Variants in KMT2B observed in about 807,000 individuals in gnomAD.
KMT2B encodes lysine methyltransferase 2B, also known as histone-lysine N-methyltransferase 2B.
Under a neutral mutation model 255.3 loss-of-function variants are expected in KMT2B, and 22 were observed. The observed-to-expected ratio is 0.09, with a 90% CI of 0.06 to 0.12. The LOEUF (loss-of-function observed/expected upper bound fraction) is 0.12. KMT2B is among the 10% of genes least tolerant of loss of function. The pLI, the probability that KMT2B is intolerant of heterozygous loss-of-function variation, is 1.00. For missense variants in KMT2B, 3,149 were observed against 3,737.0 expected (o/e 0.84, Z 4.10); for synonymous variants, 1,730 against 1,498.1 (o/e 1.15, Z -3.57).
intron 2 of KMT2B, 39 bp from the exon 3 acceptor site, chr19:35,719,745 C>A: frequency 6.5e-7 from 1 of 1,548,430 alleles, no homozygotes; most frequent in Admixed American, 2.0e-5. Flanking sequence ...GTGTGTAGGG[C>A]TGGCTTGATC....
rs1387325839 is a variant in KMT2B, at chr19:35,723,915, A to G, written c.3242A>G (p.Lys1081Arg). ...LQRKSARRCV[K>R]QRPSYDIFED... ...CGCAAGTCAGCTCGGCGCTGCGTCA[A>G]ACAGCGACCCTCCTATGATATCTTC... Residue 1081 changes from lysine to arginine, a missense_variant, in exon 8 of 37, where the codon AAA becomes AGA. Lys to Arg is a conservative substitution (Grantham distance 26). Around this residue, in one of 18 missense-constraint regions of KMT2B, gnomAD observed 136 missense variants for 137.3 expected, o/e 0.99. Transcript: ENST00000420124. The surrounding 1 kb of genome is among the most constrained non-coding windows in gnomAD (Gnocchi z 7.5). 4.3e-6 allele frequency: 7 copies of G among 1,612,120 alleles called. No homozygotes were observed. Among genetic ancestry groups the G allele is most frequent in the East Asian group, 2.2e-5 (1 of 44,884 alleles).
At chr19:35,735,349 C>T (rs1969875513) in intron 30 of KMT2B, 1 of 152,242 alleles carries the variant, frequency 6.6e-6, no homozygotes, top group Admixed American at 6.5e-5. Context: ...TGGTCAGTCC[C>T]CAGCCCACAC....
In KMT2B at chr19:35,720,502, T is replaced by A. The variant is rs1028789728; in HGVS notation, c.1155T>A (p.Ala385=). 5.2e-6 allele frequency: 8 copies of A among 1,550,982 alleles called. No homozygotes were observed. The African/African-American group carries it at 9.6e-5, about 19-fold the overall frequency. Residue 385 remains alanine (A), a synonymous_variant, in exon 3 of 37, where the codon GCT becomes GCA. Transcript: ENST00000420124. ...DKEGEEKEER[A]VAEEMMPAAE... ...AGGGAGAAGAGAAGGAAGAAAGAGC[T>A]GTAGCTGAGGAGATGATGCCAGCTG...
In KMT2B at chr19:35,732,232, A is replaced by G. The variant is rs748529751; in HGVS notation, c.5683A>G (p.Thr1895Ala). 45 of 1,599,364 alleles carry G rather than the reference A, an allele frequency of 2.8e-5. 1 individual carries two copies. In the South Asian group the frequency reaches 4.8e-4, roughly 17 times the overall value. Reference sequence around the variant, plus strand: ...CCCCACAGGAAGTCCATCTTCACTGACCCACCACATCCCCACAGTGGGAGA... The same window carrying G: ...CCCCACAGGAAGTCCATCTTCACTGGCCCACCACATCCCCACAGTGGGAGA... ...LPSPGSPSSLTHHIPTVGDPD... is the reference protein window; with the variant it reads ...LPSPGSPSSLAHHIPTVGDPD... Residue 1895 changes from threonine (T) to alanine (A), a missense_variant, in exon 28 of 37, where the codon ACC becomes GCC. Coordinates refer to ENST00000420124, the MANE Select transcript of KMT2B (RefSeq NM_014727.3).
chr19:35,737,578 T>C lies in KMT2B; in HGVS notation c.7551-58T>C. ...CATCAGAAAAATGAACCCCACCCAT[T>C]TCCCTGTTAGCTCTGTCTTCAACAG... is the stretch of plus-strand genomic sequence containing the variant. On this transcript the variant is annotated intron_variant, in intron 33 of 36. Coordinates refer to ENST00000420124, the MANE Select transcript of KMT2B (RefSeq NM_014727.3). The surrounding 1 kb of genome is among the most constrained non-coding windows in gnomAD (Gnocchi z 5.3). 8.6e-7 allele frequency: 1 copy of C among 1,156,224 alleles called. No individual in the cohort carries two copies. The highest frequency in any genetic ancestry group is 1.2e-6 in the Non-Finnish European group (1 of 815,946). The allele number at this position is 1,156,224 out of a possible 1,614,324, so 71.6% of individuals were successfully genotyped here. A position where few individuals can be genotyped will look rare whatever the true frequency, so the allele number is the denominator to read the frequency against.
At chr19:35,728,266 G>A (rs1437674377) in intron 19 of KMT2B, 95 bp downstream of exon 19, 1 of 1,120,972 alleles carries the variant, frequency 8.9e-7, no homozygotes, top group African/African-American at 1.5e-5. Flanking sequence ...ATGAGCAGAG[G>A]TAGGGTCTGG....
In KMT2B at chr19:35,725,508, A is replaced by C. The variant is rs1463988459; in HGVS notation, c.3672A>C (p.Pro1224=). 1.2e-6 allele frequency: 2 copies of C among 1,611,344 alleles called. No individual in the cohort carries two copies. The part of the protein sequence containing the change: ...ELVFCQVCCD[P]FHPFCLEEAE... The stretch of plus-strand genomic sequence containing the variant: ...TGTTCTGTCAAGTCTGCTGTGACCC[A>C]TTCCACCCATTCTGCCTGGAGGAGG... Residue 1224 remains proline (P), a synonymous_variant, in exon 12 of 37, where the codon CCA becomes CCC. Transcript: ENST00000420124. This position sits in a 1 kb window ranked among gnomAD's most constrained non-coding sequence, Gnocchi z 4.1.
chr19:35,724,214 C>T (rs958239765), intron 8 of KMT2B, among the ~76,000 whole-genome samples: 4 of 152,092 alleles, frequency 2.6e-5, no homozygotes, highest in Admixed American at 2.0e-4. Context: ...TAAGGGTCAT[C>T]CTAGGCCTGG....
Position 35,725,605 on chromosome 19 carries a change from C to T in KMT2B, c.3769C>T (p.Arg1257Cys), listed in dbSNP as rs956016804. The T allele has an allele frequency of 8.1e-6, 13 of 1,610,428 alleles. No individual in the cohort carries two copies. Among genetic ancestry groups the T allele is most frequent in the African/African-American group, 5.3e-5 (4 of 74,946 alleles). The change falls in exon 12 of 37, where the codon CGC becomes TGC. Residue 1257 changes from arginine (R) to cysteine (C), a missense_variant. Physicochemically the swap from Arg to Cys is radical, Grantham distance 180. Coordinates refer to ENST00000420124, the MANE Select transcript of KMT2B (RefSeq NM_014727.3). This position sits in a 1 kb window ranked among gnomAD's most constrained non-coding sequence, Gnocchi z 4.1. ...CTGCAAATTCTGCCACGTCTGTGGA[C>T]GCAAAGGTCGTGGATCCAAGGTTTG... ...RRCKFCHVCGRKGRGSKHLLE... is the reference protein window; with the variant it reads ...RRCKFCHVCGCKGRGSKHLLE...
chr19:35,737,130 A>G lies in KMT2B; in HGVS notation c.7417A>G (p.Ile2473Val), dbSNP rs1020496042. The G allele has an allele frequency of 6.2e-7, 1 of 1,611,080 alleles. No individual in the cohort carries two copies. Among genetic ancestry groups the G allele is most frequent in the South Asian group, 1.1e-5 (1 of 90,704 alleles). The change falls in exon 33 of 37, where the codon ATC (isoleucine) becomes GTC (valine). Residue 2473 changes from isoleucine to valine, a missense_variant. By Grantham distance (29) the Ile-to-Val change is conservative. Around this residue, in one of 18 missense-constraint regions of KMT2B, gnomAD observed 103 missense variants for 200.7 expected, o/e 0.51. Transcript: ENST00000420124. This position sits in a 1 kb window ranked among gnomAD's most constrained non-coding sequence, Gnocchi z 5.3. Reference sequence around the variant, plus strand: ...CCTGGGCATCCACCATGATGCTGTCATCTTCCTGGCCGAGCAGCTCCCCGG... The same window carrying G: ...CCTGGGCATCCACCATGATGCTGTCGTCTTCCTGGCCGAGCAGCTCCCCGG... ...RLLGIHHDAVIFLAEQLPGAQ... is the reference protein window; with the variant it reads ...RLLGIHHDAVVFLAEQLPGAQ...
At position 35,733,788 on chromosome 19, in the gene KMT2B, C is replaced by T. The variant is rs1167444707; in HGVS notation, c.7075C>T (p.Leu2359=). Residue 2359 remains leucine, a synonymous_variant, in exon 30 of 37, where the codon CTG becomes TTG. Coordinates refer to ENST00000420124, the MANE Select transcript of KMT2B (RefSeq NM_014727.3). This position sits in a 1 kb window ranked among gnomAD's most constrained non-coding sequence, Gnocchi z 4.3. ...GCCCCTCCAGGAACGGTCCCCTTTG[C>T]TGCCACTTCCGGAAGATGGTCCTCC... ...PGPLQERSPL[L]PLPEDGPPQV... is the part of the protein sequence containing the mutation. 2 of 1,613,546 alleles carry T rather than the reference C, an allele frequency of 1.2e-6. No individual in the cohort carries two copies. Among genetic ancestry groups the T allele is most frequent in the Admixed American group, 1.7e-5 (1 of 59,984 alleles).
At chr19:35,722,520 G>GGCTGC in intron 4 of KMT2B, 48 bp downstream of exon 4, 1 of 1,593,880 alleles carries the variant, frequency 6.3e-7, no homozygotes, top group Non-Finnish European at 8.5e-7. Context: ...GGAGGAGTGG[G>GGCTGC]GCTGCGGGAG....
rs375564425 is a variant in KMT2B at position 35,732,798 on chromosome 19, G to T, written c.6249G>T (p.Thr2083=). 8.3e-4 allele frequency: 1,327 copies of T among 1,606,192 alleles called. 2 individuals are homozygous for T. The Middle Eastern group carries it at 0.014, about 17-fold the overall frequency. ...EAVQQPRGQG[T]PPSGPGVVRA... ...TGCAGCAGCCTCGGGGCCAGGGCAC[G>T]CCTCCTTCGGGGCCAGGAGTAGTCC... The change falls in exon 28 of 37, where the codon ACG becomes ACT. Residue 2083 remains threonine (T), a synonymous_variant. Coordinates refer to ENST00000420124, the MANE Select transcript of KMT2B (RefSeq NM_014727.3).
rs753284647 is a variant in KMT2B, at chr19:35,737,954, TG to T, written c.7742+19del. 3.7e-6 allele frequency: 6 copies of T among 1,603,260 alleles called. No individual in the cohort carries two copies. Among genetic ancestry groups the T allele is most frequent in the East Asian group, 2.2e-5 (1 of 44,574 alleles). On this transcript the variant is annotated intron_variant, in intron 35 of 36. Coordinates refer to ENST00000420124, the MANE Select transcript of KMT2B (RefSeq NM_014727.3). This position sits in a 1 kb window ranked among gnomAD's most constrained non-coding sequence, Gnocchi z 5.3. ...GTGGGTGTCTACAGGTGAGTGGGGT[TG>T]GGGGGGAGGATGCCCCTTGGGTGGA...
In KMT2B at chr19:35,728,845, C is replaced by T; in HGVS notation, c.4643C>T (p.Pro1548Leu). 4.3e-6 allele frequency: 7 copies of T among 1,613,968 alleles called. No individual in the cohort carries two copies. The highest frequency in any genetic ancestry group is 5.9e-6 in the Non-Finnish European group (7 of 1,179,870). Reference sequence around the variant, plus strand: ...TATGCGCAGTGGAGACAGCAGGAACCAGAGACCCCAGAATCAGGGCAGCCT... The same window carrying T: ...TATGCGCAGTGGAGACAGCAGGAACTAGAGACCCCAGAATCAGGGCAGCCT... ...HVYAQWRQQEPETPESGQPPG... is the reference protein window; with the variant it reads ...HVYAQWRQQELETPESGQPPG... Residue 1548 changes from proline to leucine, a missense_variant, in exon 20 of 37, where the codon CCA becomes CTA. Transcript: ENST00000420124.
rs376781845 is a variant in KMT2B at position 35,719,966 on chromosome 19, C to T, written c.619C>T (p.Arg207Trp). 7 of 1,613,246 alleles carry T rather than the reference C, an allele frequency of 4.3e-6. No individual in the cohort carries two copies. Among genetic ancestry groups the T allele is most frequent in the African/African-American group, 2.7e-5 (2 of 74,910 alleles). Residue 207 changes from arginine to tryptophan, a missense_variant, in exon 3 of 37, where the codon CGG becomes TGG. Physicochemically the swap from Arg to Trp is moderately radical, Grantham distance 101. This residue lies in a region of KMT2B where 1,188 missense variants were observed against 1,106.4 expected (regional missense o/e 1.07). Transcript: ENST00000420124. ...GCGGGCCCAGGCACCCCAAGCACCC[C>T]GGAGCCGGGCATGTGAGCCCTCCAC... ...LRRAQAPQAP[R>W]SRACEPSTPR...
chr19:35,725,611 G>T lies in KMT2B; in HGVS notation c.3775G>T (p.Gly1259Cys). 6.2e-7 allele frequency: 1 copy of T among 1,610,890 alleles called. No individual in the cohort carries two copies. Among genetic ancestry groups the T allele is most frequent in the Non-Finnish European group, 8.5e-7 (1 of 1,179,892 alleles). Residue 1259 changes from glycine to cysteine, a missense_variant, in exon 12 of 37, where the codon GGT becomes TGT. Coordinates refer to ENST00000420124, the MANE Select transcript of KMT2B (RefSeq NM_014727.3). The surrounding 1 kb of genome is among the most constrained non-coding windows in gnomAD (Gnocchi z 4.1). Reference sequence around the variant, plus strand: ...ATTCTGCCACGTCTGTGGACGCAAAGGTCGTGGATCCAAGGTTTGGGCCCA... The same window carrying T: ...ATTCTGCCACGTCTGTGGACGCAAATGTCGTGGATCCAAGGTTTGGGCCCA... ...CKFCHVCGRK[G>C]RGSKHLLECE...
At chr19:35,734,708 G>A (rs771601900) in intron 30 of KMT2B, among the ~76,000 whole-genome samples, 6 of 152,192 alleles carry the variant, frequency 3.9e-5, no homozygotes, top group Non-Finnish European at 8.8e-5. Flanking sequence ...TGAAGCTGGC[G>A]GTGGAGTGGT....
At position 35,737,824 on chromosome 19, in the gene KMT2B, GC is replaced by G. The variant is rs766060146; in HGVS notation, c.7659-34del. On this transcript the variant is annotated intron_variant, in intron 34 of 36. Transcript: ENST00000420124. This position sits in a 1 kb window ranked among gnomAD's most constrained non-coding sequence, Gnocchi z 5.3. ...GCAGGGGTGAGAGAGGTCATTCTGA[GC>G]ACCAGCCTGGGTGACACTGCTGTCC... The G allele has an allele frequency of 5.1e-6, 8 of 1,553,612 alleles. No individual in the cohort carries two copies. Among genetic ancestry groups the G allele is most frequent in the Non-Finnish European group, 7.0e-6 (8 of 1,147,514 alleles).
Sources: allele counts gnomAD v4.1 joint callset (sites outside exome capture counted in the v4.1 genomes callset), GRCh38; gene constraint gnomAD v4.1.1; regional missense constraint gnomAD v4.1.1; non-coding constraint Gnocchi (gnomAD v3.1); transcripts MANE v1.5; gene names NCBI Gene and HGNC (gene_info 2026-07-23, HGNC 2026-07-21).